DHRSX: variants seen among roughly 807,000 people sequenced by gnomAD.
The protein encoded by DHRSX is polyprenol dehydrogenase.
DHRSX carries 31 observed loss-of-function variants against 34.0 expected under a neutral mutation model. That is an observed-to-expected ratio of 0.91 (90% CI 0.69 to 1.23). The LOEUF is 1.23. DHRSX is among the 50% of genes most tolerant of loss of function. The pLI is 0.00. For synonymous variants in DHRSX, 201 were observed against 183.8 expected (o/e 1.09, Z -0.76); for missense variants, 414 against 428.1 (o/e 0.97, Z 0.29).
chrX:2,235,226 C>T (rs1362892818), intron 6 of DHRSX, among the ~76,000 whole-genome samples: 2 of 152,092 alleles, frequency 1.3e-5, no homozygotes, highest in South Asian at 2.1e-4. Context: ...AGTGGGAGTT[C>T]ACCAGTGGGT....
At chrX:2,334,170 C>CTGTTTTTTTTTTTTTTTT (rs2042520428) in intron 3 of DHRSX, 1 of 105,112 alleles carries the variant, frequency 9.5e-6, no homozygotes, top group African/African-American at 4.1e-5. Context: ...CAAAAGTATG[C>CTGTTTTTTTTTTTTTTTT]TTTTTTTTTT....
At chrX:2,250,389 T>A (rs544532866) in intron 5 of DHRSX, among the ~76,000 whole-genome samples, 1 of 152,056 alleles carries the variant, frequency 6.6e-6, no homozygotes, top group East Asian at 1.9e-4. Context: ...GAATAAAGAA[T>A]GTGTACTCCA....
intron 1 of DHRSX, among the ~76,000 whole-genome samples, chrX:2,464,231 T>C: frequency 6.7e-6 from 1 of 149,796 alleles, no homozygotes; most frequent in Non-Finnish European, 1.5e-5. Flanking sequence ...AGACATTCCC[T>C]AAGCACGTGG....
chrX:2,273,119 G>T (rs2041579495), intron 4 of DHRSX, among the ~76,000 whole-genome samples: 1 of 152,152 alleles, frequency 6.6e-6, no homozygotes, highest in African/African-American at 2.4e-5. Flanking sequence ...CTTGAACCCA[G>T]GAGGTGGAGG....
At chrX:2,304,677 A>G (rs2042079323) in intron 3 of DHRSX, among the ~76,000 whole-genome samples, 1 of 151,984 alleles carries the variant, frequency 6.6e-6, no homozygotes, top group Admixed American at 6.6e-5. Flanking sequence ...ACTTTCCACT[A>G]TGATTATGCA....
chrX:2,415,821 C>G (rs1410901672), intron 2 of DHRSX, among the ~76,000 whole-genome samples: 1 of 151,854 alleles, frequency 6.6e-6, no homozygotes. Context: ...CTCATCATGA[C>G]CAACCCAACT....
chrX:2,237,388 C>G (rs2124418615), intron 6 of DHRSX, among the ~76,000 whole-genome samples: 1 of 152,198 alleles, frequency 6.6e-6, no homozygotes, highest in African/African-American at 2.4e-5. Flanking sequence ...GCAGTCTACA[C>G]TGCAAATTTG....
chrX:2,397,712 C>T (rs1039003440), intron 3 of DHRSX, among the ~76,000 whole-genome samples: 2 of 152,100 alleles, frequency 1.3e-5, no homozygotes, highest in Non-Finnish European at 2.9e-5. Context: ...GCCTCTAAAC[C>T]CACTCGATAA....
At chrX:2,246,390 G>A (rs2016282439) in intron 5 of DHRSX, among the ~76,000 whole-genome samples, 2 of 152,078 alleles carry the variant, frequency 1.3e-5, no homozygotes, top group Non-Finnish European at 2.9e-5. Context: ...TTGGGAGGCT[G>A]AGGTGGGCAG....
intron 1 of DHRSX, chrX:2,488,445 G>T (rs2045008636): frequency 5.6e-6 from 4 of 712,700 alleles, no homozygotes; most frequent in East Asian, 6.0e-5. Flanking sequence ...AAAGTGCTGC[G>T]ATTATAGACA....
intron 1 of DHRSX, among the ~76,000 whole-genome samples, chrX:2,473,726 T>G (rs1350750371): frequency 1.4e-5 from 2 of 139,346 alleles, no homozygotes; most frequent in East Asian, 3.9e-4. Flanking sequence ...CCTTCTAAGG[T>G]TTCTCTCCTG....
intron 3 of DHRSX, among the ~76,000 whole-genome samples, chrX:2,376,656 G>C (rs1172156523): frequency 7.3e-6 from 1 of 137,360 alleles, no homozygotes; most frequent in African/African-American, 2.5e-5. Flanking sequence ...GGTTGCATTA[G>C]AGTAGTGTAC....
intron 3 of DHRSX, among the ~76,000 whole-genome samples, chrX:2,346,079 A>C: frequency 6.6e-6 from 1 of 152,260 alleles, no homozygotes; most frequent in Non-Finnish European, 1.5e-5. Flanking sequence ...CCAAGGAGGA[A>C]TTTCATCCAG....
intron 6 of DHRSX, among the ~76,000 whole-genome samples, chrX:2,242,528 T>A (rs1011255311): frequency 3.9e-5 from 6 of 152,028 alleles, no homozygotes; most frequent in African/African-American, 4.8e-5. Flanking sequence ...TAAGGTATGC[T>A]AAGTCGCAGG....
At chrX:2,256,539 G>A (rs186370060) in intron 5 of DHRSX, among the ~76,000 whole-genome samples, 22 of 151,886 alleles carry the variant, frequency 1.4e-4, no homozygotes, top group African/African-American at 4.8e-4. Flanking sequence ...CAGGTGATAC[G>A]CCCGCCTCGG....
intron 3 of DHRSX, among the ~76,000 whole-genome samples, chrX:2,375,761 T>A (rs191382121): frequency 0.011 from 1,442 of 136,454 alleles, 165 homozygotes; most frequent in East Asian, 0.1. Context: ...GCCTCCTCAG[T>A]AGCTACGACT....
intron 5 of DHRSX, among the ~76,000 whole-genome samples, chrX:2,255,514 T>C (rs2041264552): frequency 6.6e-6 from 1 of 152,076 alleles, no homozygotes; most frequent in Non-Finnish European, 1.5e-5. Flanking sequence ...GTTGAGAAAC[T>C]CAAACCAAGA....
intron 3 of DHRSX, among the ~76,000 whole-genome samples, chrX:2,364,739 T>A (rs1361358998): frequency 6.6e-6 from 1 of 152,174 alleles, no homozygotes; most frequent in Admixed American, 6.5e-5. Flanking sequence ...TATTTATCTA[T>A]CATTTATCTA....
chrX:2,472,112 T>G (rs1412843198), intron 1 of DHRSX, among the ~76,000 whole-genome samples: 1 of 141,184 alleles, frequency 7.1e-6, no homozygotes, highest in African/African-American at 2.8e-5. Flanking sequence ...ACCATTGCAC[T>G]CCAGCCTGGG....
Sources: allele counts gnomAD v4.1 joint callset (sites outside exome capture counted in the v4.1 genomes callset), GRCh38; gene constraint gnomAD v4.1.1; transcripts MANE v1.5; gene names NCBI Gene and HGNC (gene_info 2026-07-23, HGNC 2026-07-21).